Variants in KIF13B observed in about 807,000 individuals in gnomAD.
KIF13B encodes the protein kinesin-like protein KIF13B.
Under a neutral mutation model 222.0 loss-of-function variants are expected in KIF13B, and 127 were observed. That is an observed-to-expected ratio of 0.57 (90% CI 0.50 to 0.66). KIF13B has a LOEUF of 0.66. KIF13B is among the 30% of genes least tolerant of loss of function. KIF13B has a pLI of 0.00. For synonymous variants in KIF13B, 976 were observed against 919.0 expected (o/e 1.06, Z -1.12); for missense variants, 2,173 against 2,379.0 (o/e 0.91, Z 1.80).
chr8:29,129,927 G>A (rs915994088), intron 24 of KIF13B, among the ~76,000 whole-genome samples: 1 of 152,206 alleles, frequency 6.6e-6, no homozygotes, highest in Admixed American at 6.5e-5. Flanking sequence ...AAGGCAAGAG[G>A]TTATTGAACT....
intron 36 of KIF13B, among the ~76,000 whole-genome samples, chr8:29,094,699 A>C (rs1165676119): frequency 6.6e-6 from 1 of 152,264 alleles, no homozygotes; most frequent in African/African-American, 2.4e-5. Context: ...ATAAAAATAG[A>C]CCATGAGATG....
At chr8:29,117,062 C>T (rs944043124) in intron 30 of KIF13B, 55 bp from the exon 31 acceptor site, 12 of 1,486,022 alleles carry the variant, frequency 8.1e-6, no homozygotes, top group Non-Finnish European at 1.1e-5. Context: ...AACATGAAAA[C>T]TCTTTCAAGG....
chr8:29,151,905 T>G (rs1811315271), intron 14 of KIF13B, among the ~76,000 whole-genome samples: 1 of 152,222 alleles, frequency 6.6e-6, no homozygotes, highest in Non-Finnish European at 1.5e-5. Flanking sequence ...CAGTGATTCT[T>G]CTAATGGATC....
intron 10 of KIF13B, among the ~76,000 whole-genome samples, chr8:29,171,578 C>A (rs964567249): frequency 6.6e-6 from 1 of 151,008 alleles, no homozygotes; most frequent in Non-Finnish European, 1.5e-5. Context: ...GAAAAAGCAA[C>A]AGGGACCTAA....
intron 1 of KIF13B, among the ~76,000 whole-genome samples, chr8:29,259,747 C>T (rs1311695613): frequency 6.6e-6 from 1 of 152,186 alleles, no homozygotes; most frequent in Admixed American, 6.5e-5. Flanking sequence ...TTCTGTGCGG[C>T]ACATGGAAGC....
rs2133463878 is a variant in KIF13B at position 29,071,519 on chromosome 8, C to T, written c.5218+101G>A. 5.4e-6 allele frequency: 6 copies of T among 1,112,028 alleles called. No homozygotes were observed. The highest frequency in any genetic ancestry group is 7.8e-6 in the Non-Finnish European group (6 of 772,446). 68.9% of individuals were successfully genotyped at this position (1,112,028 alleles called of 1,614,324 possible). On this transcript the variant is annotated intron_variant, in intron 39 of 39. Transcript: ENST00000524189. This position sits in a 1 kb window ranked among gnomAD's most constrained non-coding sequence, Gnocchi z 4.9. ...CAGCCAAGCCGCTGCCTCCCGGCCC[C>T]TCCCTCTCCTGCCCGGACCCTGTCC...
intron 18 of KIF13B, chr8:29,146,078 A>C: frequency 8.4e-5 from 45 of 534,458 alleles, no homozygotes; most frequent in East Asian, 1.6e-4. Flanking sequence ...CATTCGGGGA[A>C]GATTAATCAG....
chr8:29,213,644 T>A (rs1390888631), intron 2 of KIF13B, among the ~76,000 whole-genome samples: 1 of 152,150 alleles, frequency 6.6e-6, no homozygotes, highest in Non-Finnish European at 1.5e-5. Flanking sequence ...AGTAGGCATT[T>A]GTGTATCTAA....
chr8:29,226,999 A>G (rs1275719270), intron 2 of KIF13B, among the ~76,000 whole-genome samples: 1 of 152,208 alleles, frequency 6.6e-6, no homozygotes, highest in Non-Finnish European at 1.5e-5. Context: ...AAGACAGGCC[A>G]TTAATTGGAA....
Position 29,185,085 on chromosome 8 carries a change from C to A in KIF13B, c.497+1207G>T, listed in dbSNP as rs1463758060. Among the ~76,000 whole-genome samples, 3 of 152,100 alleles carry A rather than the reference C, an allele frequency of 2.0e-5. 1 individual carries two copies. In the South Asian group the frequency reaches 6.2e-4, roughly 32 times the overall value. On this transcript the variant is annotated intron_variant, in intron 6 of 39. Transcript: ENST00000524189. ...GGCTCAAGCGATCCTCCCATCTTGG[C>A]CTCCTTTTGTTCCATGTTGACTTCT...
intron 2 of KIF13B, among the ~76,000 whole-genome samples, chr8:29,235,167 T>TAA (rs1815452992): frequency 6.6e-6 from 1 of 152,150 alleles, no homozygotes; most frequent in South Asian, 2.1e-4. Context: ...TATAATGGCT[T>TAA]AAAAAATAAA....
In KIF13B at chr8:29,113,510, T is replaced by C. The variant is rs1809451790; in HGVS notation, c.3883A>G (p.Ile1295Val). The C allele has an allele frequency of 6.3e-7, 1 of 1,594,812 alleles. No individual in the cohort carries two copies. Among genetic ancestry groups the C allele is most frequent in the East Asian group, 2.3e-5 (1 of 44,432 alleles). Reference protein sequence around the residue: ...LLKKMSHRSSIPGCGVTFEIV... With the variant: ...LLKKMSHRSSVPGCGVTFEIV... ...TCAAAAGTCACTCCACAGCCAGGAA[T>C]AGAACTTCGATGAGACATCTTTTTT... The change falls in exon 32 of 40, where the codon ATT becomes GTT. Residue 1295 changes from isoleucine (I) to valine (V), a missense_variant. By Grantham distance (29) the Ile-to-Val change is conservative (BLOSUM62 3). Transcript: ENST00000524189.
At chr8:29,144,951 G>A (rs1458213746) in intron 18 of KIF13B, among the ~76,000 whole-genome samples, 2 of 152,180 alleles carry the variant, frequency 1.3e-5, no homozygotes, top group South Asian at 2.1e-4. Flanking sequence ...AAGAGGTTAC[G>A]GAGAAAAGGG....
intron 31 of KIF13B, among the ~76,000 whole-genome samples, chr8:29,114,626 A>T (rs943573523): frequency 2.6e-5 from 4 of 152,222 alleles, no homozygotes; most frequent in Non-Finnish European, 5.9e-5. Context: ...CTTGTTATAA[A>T]GAAGAGAGCC....
At chr8:29,254,927 A>G (rs1645690359) in intron 1 of KIF13B, among the ~76,000 whole-genome samples, 1 of 152,268 alleles carries the variant, frequency 6.6e-6, no homozygotes, top group Admixed American at 6.5e-5. Flanking sequence ...AAAACACAGC[A>G]TATCTGTGTA....
chr8:29,232,100 C>T (rs1349683012), intron 2 of KIF13B, among the ~76,000 whole-genome samples: 1 of 151,062 alleles, frequency 6.6e-6, no homozygotes, highest in Non-Finnish European at 1.5e-5. Context: ...ACAAAAAACA[C>T]ACAAAAATTA....
At chr8:29,140,355 C>G (rs1359113256) in intron 20 of KIF13B, 113 bp downstream of exon 20, 15 of 1,389,734 alleles carry the variant, frequency 1.1e-5, no homozygotes, top group Non-Finnish European at 1.4e-5. Context: ...CTTGGAAACA[C>G]AAGGTATTAA....
intron 32 of KIF13B, 59 bp from the exon 33 acceptor site, chr8:29,110,129 A>G: frequency 7.4e-7 from 1 of 1,350,622 alleles, no homozygotes; most frequent in Non-Finnish European, 1.0e-6. Flanking sequence ...ACACACGTAC[A>G]CGCGTGCACA....
chr8:29,137,697 A>G (rs187951233), intron 21 of KIF13B, among the ~76,000 whole-genome samples: 50 of 152,318 alleles, frequency 3.3e-4, no homozygotes, highest in Admixed American at 2.9e-3. Context: ...AGGCCATTAC[A>G]TGCCAGTATA....
Sources: allele counts gnomAD v4.1 joint callset (sites outside exome capture counted in the v4.1 genomes callset), GRCh38; gene constraint gnomAD v4.1.1; non-coding constraint Gnocchi (gnomAD v3.1); transcripts MANE v1.5; gene names NCBI Gene and HGNC (gene_info 2026-07-23, HGNC 2026-07-21).